GRM1: variants seen among roughly 807,000 people sequenced by gnomAD.
GRM1 encodes the protein glutamate metabotropic receptor 1.
Under a neutral mutation model 90.9 loss-of-function variants are expected in GRM1, and 33 were observed. The ratio of observed to expected loss-of-function variants is 0.36; its 90% CI spans 0.28 to 0.49. The LOEUF (loss-of-function observed/expected upper bound fraction) is 0.49, where lower values mean the gene tolerates loss of function less well. GRM1 is among the 20% of genes least tolerant of loss of function. The pLI is 0.99. For missense variants in GRM1, 1,190 were observed against 1,534.3 expected (o/e 0.78, Z 3.75); for synonymous variants, 700 against 613.2 (o/e 1.14, Z -2.09).
At chr6:146,169,855 C>T (rs558899438) in intron 2 of GRM1, among the ~76,000 whole-genome samples, 1 of 152,318 alleles carries the variant, frequency 6.6e-6, no homozygotes, top group South Asian at 2.1e-4. Context: ...CACATTCCTA[C>T]TAGCAATGTA....
chr6:146,419,453 T>C (rs1416975536), intron 7 of GRM1, among the ~76,000 whole-genome samples: 1 of 152,194 alleles, frequency 6.6e-6, no homozygotes, highest in Admixed American at 6.5e-5. Flanking sequence ...CTGAGACAAT[T>C]ATCTGCAACA....
chr6:146,391,678 G>A (rs748894485), intron 6 of GRM1, among the ~76,000 whole-genome samples: 7 of 150,870 alleles, frequency 4.6e-5, no homozygotes, highest in Non-Finnish European at 8.9e-5. Context: ...CTCAAATTTA[G>A]GATAAATTTA....
chr6:146,234,982 T>C (rs761739014), intron 2 of GRM1, among the ~76,000 whole-genome samples: 6 of 152,154 alleles, frequency 3.9e-5, no homozygotes, highest in Non-Finnish European at 8.8e-5. Flanking sequence ...GCAATCTTCC[T>C]ACCTCAGTCT....
At chr6:146,145,025 A>G (rs1257046414) in intron 1 of GRM1, among the ~76,000 whole-genome samples, 1 of 152,252 alleles carries the variant, frequency 6.6e-6, no homozygotes, top group Non-Finnish European at 1.5e-5. Flanking sequence ...ACTTAAGAGT[A>G]ATGATCTAGA....
At position 146,355,825 on chromosome 6, in the gene GRM1, C is replaced by T. The variant is rs1176683437; in HGVS notation, c.1434-1701C>T. ...AATTGCAGGAAGGATTAAGCAGGGG[C>T]GTGTGAGAGGGGCGAGGGATGAAGA... On this transcript the variant is annotated intron_variant, in intron 4 of 7. Transcript: ENST00000282753. Among the ~76,000 whole-genome samples the T allele has an allele frequency of 5.3e-5, 8 of 151,906 alleles. No homozygotes were observed. The South Asian group carries it at 6.2e-4, about 12-fold the overall frequency.
intron 1 of GRM1, among the ~76,000 whole-genome samples, chr6:146,153,842 G>C (rs904126493): frequency 6.6e-6 from 1 of 152,168 alleles, no homozygotes; most frequent in Non-Finnish European, 1.5e-5. Context: ...TATAAATAAA[G>C]AAATTGGGAC....
At chr6:146,361,131 T>A (rs896038653) in intron 5 of GRM1, among the ~76,000 whole-genome samples, 1 of 152,128 alleles carries the variant, frequency 6.6e-6, no homozygotes, top group African/African-American at 2.4e-5. Context: ...CTGAAAGCAA[T>A]GTGAGGAGTG....
intron 1 of GRM1, among the ~76,000 whole-genome samples, chr6:146,065,129 A>G (rs1775803939): frequency 6.6e-6 from 1 of 152,166 alleles, no homozygotes; most frequent in Non-Finnish European, 1.5e-5. Flanking sequence ...TCTCTAAACA[A>G]CTACTTTAAA....
At chr6:146,126,922 T>C (rs1456976011) in intron 1 of GRM1, among the ~76,000 whole-genome samples, 1 of 152,146 alleles carries the variant, frequency 6.6e-6, no homozygotes, top group East Asian at 1.9e-4. Flanking sequence ...TAGGTGTGGA[T>C]TCAAGGTTGT....
intron 2 of GRM1, among the ~76,000 whole-genome samples, chr6:146,194,963 T>G (rs1485534019): frequency 6.6e-6 from 1 of 152,186 alleles, no homozygotes; most frequent in Non-Finnish European, 1.5e-5. Flanking sequence ...ATTACATCAT[T>G]GTTGTAAAGA....
At chr6:146,430,715 G>A (rs926676081) in intron 7 of GRM1, among the ~76,000 whole-genome samples, 6 of 151,916 alleles carry the variant, frequency 3.9e-5, no homozygotes, top group Non-Finnish European at 8.8e-5. Flanking sequence ...CACAGTAGTG[G>A]GTTCCCTGCC....
intron 1 of GRM1, among the ~76,000 whole-genome samples, chr6:146,068,047 T>C (rs1350018206): frequency 1.3e-5 from 2 of 152,350 alleles, no homozygotes; most frequent in African/African-American, 4.8e-5. Flanking sequence ...AAAACAACTC[T>C]GATATTTGGC....
At chr6:146,295,391 T>C (rs75712201) in intron 2 of GRM1, among the ~76,000 whole-genome samples, 1 of 24,980 alleles carries the variant, frequency 4.0e-5, no homozygotes, top group Non-Finnish European at 7.1e-5. Flanking sequence ...GCCCGGCTAA[T>C]TTTTTTTTTT....
At chr6:146,156,064 G>T (rs908510801) in intron 1 of GRM1, among the ~76,000 whole-genome samples, 1 of 152,170 alleles carries the variant, frequency 6.6e-6, no homozygotes, top group African/African-American at 2.4e-5. Flanking sequence ...TGCCCACCCA[G>T]ATTTCCTTTA....
chr6:146,310,400 C>A (rs1459478231), intron 3 of GRM1, among the ~76,000 whole-genome samples: 1 of 152,142 alleles, frequency 6.6e-6, no homozygotes, highest in Non-Finnish European at 1.5e-5. Context: ...CCCATTAGGT[C>A]CTTTGGTAAT....
intron 2 of GRM1, among the ~76,000 whole-genome samples, chr6:146,229,175 G>C (rs1179448690): frequency 6.6e-6 from 1 of 151,504 alleles, no homozygotes; most frequent in Non-Finnish European, 1.5e-5. Flanking sequence ...TTAGGGATGG[G>C]GTTTCTCCAT....
At chr6:146,190,037 G>T (rs1314786793) in intron 2 of GRM1, among the ~76,000 whole-genome samples, 2 of 152,188 alleles carry the variant, frequency 1.3e-5, no homozygotes, top group Non-Finnish European at 2.9e-5. Context: ...TGGAGTTGTT[G>T]AGTGGAGTTC....
chr6:146,292,387 A>G (rs1026808585), intron 2 of GRM1, among the ~76,000 whole-genome samples: 25 of 151,992 alleles, frequency 1.6e-4, no homozygotes, highest in Non-Finnish European at 4.4e-5. Flanking sequence ...TGCAAATTAT[A>G]TATCTGTTGA....
intron 7 of GRM1, among the ~76,000 whole-genome samples, chr6:146,418,638 A>G (rs182189155): frequency 1.1e-4 from 17 of 151,964 alleles, no homozygotes; most frequent in African/African-American, 3.6e-4. Context: ...AGAATTTATA[A>G]TAAAAATAAT....
Sources: gnomAD v4.1 joint callset for allele counts (sites outside exome capture counted in the v4.1 genomes callset) on GRCh38, gnomAD v4.1.1 for gene constraint, MANE v1.5 for transcripts, NCBI Gene and HGNC (gene_info 2026-07-23, HGNC 2026-07-21) for gene names.